CDK13: variants seen among roughly 807,000 people sequenced by gnomAD.
The protein encoded by CDK13 is cyclin-dependent kinase 13.
Under a neutral mutation model 137.6 loss-of-function variants are expected in CDK13, and 40 were observed. The ratio of observed to expected loss-of-function variants is 0.29; its 90% CI spans 0.23 to 0.38. The LOEUF is 0.38. CDK13 is among the 10% of genes least tolerant of loss of function. The pLI is 1.00. For synonymous variants in CDK13, 869 were observed against 760.1 expected, an observed-to-expected ratio of 1.14 and a Z score of -2.36; for missense variants, 1,704 against 1,951.8, an observed-to-expected ratio of 0.87 and a Z score of 2.39.
At chr7:39,997,406 A>G in intron 2 of CDK13, 88 bp from the exon 3 acceptor site, 1 of 969,460 alleles carries the variant, frequency 1.0e-6, no homozygotes, top group Non-Finnish European at 1.6e-6. Flanking sequence ...AATATTCATG[A>G]CTATTGCTAC....
chr7:39,957,551 A>G (rs1435145421), intron 1 of CDK13, among the ~76,000 whole-genome samples: 1 of 152,212 alleles, frequency 6.6e-6, no homozygotes, highest in Non-Finnish European at 1.5e-5. Context: ...TGGTTTACAT[A>G]CACTCTCATA....
At chr7:40,040,014 T>TC (rs1378867193) in intron 5 of CDK13, among the ~76,000 whole-genome samples, 2 of 151,752 alleles carry the variant, frequency 1.3e-5, no homozygotes, top group South Asian at 2.1e-4. Context: ...ATTTGCTTTT[T>TC]TTTTTTTTTT....
intron 5 of CDK13, among the ~76,000 whole-genome samples, chr7:40,014,320 G>C (rs965567085): frequency 2.0e-5 from 3 of 151,826 alleles, no homozygotes; most frequent in African/African-American, 7.3e-5. Context: ...GCCCGCCTCA[G>C]CCTCCCAAAG....
chr7:40,049,235 G>A (rs1785824345), intron 7 of CDK13: 1 of 148,160 alleles, frequency 6.7e-6, no homozygotes, highest in Non-Finnish European at 1.5e-5. Flanking sequence ...AAGGAGGAAG[G>A]AAGGAAAGAG....
At chr7:40,081,674 G>C (rs1225806702) in intron 11 of CDK13, among the ~76,000 whole-genome samples, 1 of 152,128 alleles carries the variant, frequency 6.6e-6, no homozygotes, top group Non-Finnish European at 1.5e-5. Context: ...TATCAGTAAT[G>C]AATATTTCCT....
chr7:40,082,898 TG>T (rs1786698502), intron 11 of CDK13, among the ~76,000 whole-genome samples: 1 of 151,278 alleles, frequency 6.6e-6, no homozygotes, highest in Admixed American at 6.6e-5. Flanking sequence ...CCCATGAGTT[TG>T]AGACCAATCT....
Position 40,096,216 on chromosome 7 carries a change from C to T in CDK13, c.*1236C>T, listed in dbSNP as rs1159766990. ...ATTCACTTGTTAACTAGAAACATTG[C>T]TTAGATTGAATTTATTGAAGCAAAA... On this transcript the variant is annotated 3_prime_UTR_variant, in exon 14 of 14. Transcript: ENST00000181839. 3 of 152,034 alleles carry T rather than the reference C, an allele frequency of 2.0e-5. No individual in the cohort carries two copies. The highest frequency in any genetic ancestry group is 7.2e-5 in the African/African-American group (3 of 41,418). The allele number at this position is 152,034 out of a possible 1,614,324, so 9.4% of individuals were successfully genotyped here.
chr7:40,032,788 T>C (rs1220276254), intron 5 of CDK13, among the ~76,000 whole-genome samples: 1 of 152,200 alleles, frequency 6.6e-6, no homozygotes, highest in Non-Finnish European at 1.5e-5. Flanking sequence ...CTGTATTAAT[T>C]ACTGTAGCTT....
chr7:40,064,150 G>A (rs991219732), intron 9 of CDK13, among the ~76,000 whole-genome samples: 4 of 151,872 alleles, frequency 2.6e-5, no homozygotes, highest in Admixed American at 2.6e-4. Context: ...CCGGCGTGGT[G>A]GCCCACGCCT....
At chr7:39,968,890 C>A (rs1337108038) in intron 1 of CDK13, among the ~76,000 whole-genome samples, 1 of 152,184 alleles carries the variant, frequency 6.6e-6, no homozygotes, top group South Asian at 2.1e-4. Flanking sequence ...TACCGTATAT[C>A]CTGATCACAA....
chr7:39,974,106 T>G (rs1784055561), intron 1 of CDK13, among the ~76,000 whole-genome samples: 1 of 152,194 alleles, frequency 6.6e-6, no homozygotes, highest in South Asian at 2.1e-4. Context: ...AGCTTGCCAG[T>G]TAGTTCAAAA....
chr7:40,019,803 C>G (rs60489461), intron 5 of CDK13, among the ~76,000 whole-genome samples: 6,047 of 152,088 alleles, frequency 0.04, 352 homozygotes, highest in African/African-American at 0.13. Context: ...AATCTGTTAG[C>G]TTACATGAGA....
intron 1 of CDK13, among the ~76,000 whole-genome samples, chr7:39,965,542 G>A (rs898579460): frequency 2.0e-5 from 3 of 152,142 alleles, no homozygotes; most frequent in East Asian, 1.9e-4. Context: ...CCTGAATACA[G>A]CATGCTGATG....
Position 40,021,814 on chromosome 7 carries a change from TGAAAA to T in CDK13, c.2353+19784_2353+19788del, listed in dbSNP as rs879442711. 8.6e-4 allele frequency among the ~76,000 whole-genome samples: 131 copies of T among 152,256 alleles called. 2 individuals are homozygous for T. The highest frequency in any genetic ancestry group is 3.4e-3 in the Middle Eastern group (1 of 294). ...GAATTTTTGTCATGCACTAAATATG[TGAAAA>T]ATAGCAACTAAAATTTTTCTTTTCA... is the stretch of plus-strand genomic sequence containing the variant. On this transcript the variant is annotated intron_variant, in intron 5 of 13. Transcript: ENST00000181839.
At chr7:39,998,203 C>CTTTTTTTTT (rs570146829) in intron 3 of CDK13, 2 of 131,652 alleles carry the variant, frequency 1.5e-5, no homozygotes, top group African/African-American at 2.7e-5. Flanking sequence ...ACACTGGTGC[C>CTTTTTTTTT]TTTTTTTTTT....
intron 5 of CDK13, among the ~76,000 whole-genome samples, chr7:40,004,981 C>A (rs1784766300): frequency 6.6e-6 from 1 of 152,016 alleles, no homozygotes. Context: ...TTGAGACCAG[C>A]CTGGCCAACA....
intron 5 of CDK13, among the ~76,000 whole-genome samples, chr7:40,044,963 C>T (rs767166905): frequency 2.4e-4 from 37 of 152,064 alleles, no homozygotes; most frequent in Non-Finnish European, 4.4e-5. Context: ...TAATATCTAG[C>T]CTTTCCTATT....
At chr7:40,000,932 A>ATT (rs2116324477) in intron 4 of CDK13, among the ~76,000 whole-genome samples, 2 of 152,238 alleles carry the variant, frequency 1.3e-5, no homozygotes, top group African/African-American at 4.8e-5. Flanking sequence ...ATCATTTCTG[A>ATT]TACAAAGCTG....
At chr7:40,030,640 C>G (rs1277332091) in intron 5 of CDK13, among the ~76,000 whole-genome samples, 1 of 151,724 alleles carries the variant, frequency 6.6e-6, no homozygotes, top group African/African-American at 2.4e-5. Context: ...CTCAAGTGAT[C>G]TGTCTGCCTT....
Sources: allele counts gnomAD v4.1 joint callset (sites outside exome capture counted in the v4.1 genomes callset), GRCh38; gene constraint gnomAD v4.1.1; transcripts MANE v1.5; gene names NCBI Gene and HGNC (gene_info 2026-07-23, HGNC 2026-07-21).